CSMD1: variants seen among roughly 807,000 people sequenced by gnomAD.
The protein encoded by CSMD1 is CUB and sushi domain-containing protein 1.
A neutral mutation model predicts 417.5 loss-of-function variants in CSMD1; 213 were observed. The ratio of observed to expected loss-of-function variants is 0.51; its 90% CI spans 0.46 to 0.57. CSMD1 has a LOEUF of 0.57. Among genes scored for constraint, CSMD1 ranks in the 20% least tolerant of loss-of-function variants. The pLI is 0.00. For missense variants in CSMD1, 6,923 were observed against 4,529.7 expected (o/e 1.53, Z -15.17); for synonymous variants, 2,862 against 1,736.8 (o/e 1.65, Z -16.11).
At chr8:3,734,224 T>C (rs1796411486) in intron 6 of CSMD1, among the ~76,000 whole-genome samples, 3 of 152,216 alleles carry the variant, frequency 2.0e-5, no homozygotes, top group African/African-American at 4.8e-5. Flanking sequence ...ACGATGAGAA[T>C]GGGAGCCTTC....
chr8:4,602,706 G>A (rs1585315687), intron 2 of CSMD1, among the ~76,000 whole-genome samples: 1 of 152,132 alleles, frequency 6.6e-6, no homozygotes, highest in South Asian at 2.1e-4. Flanking sequence ...GATCTTCATT[G>A]TTGTTATCTA....
At chr8:3,626,754 T>A (rs576609655) in intron 7 of CSMD1, among the ~76,000 whole-genome samples, 39 of 150,736 alleles carry the variant, frequency 2.6e-4, no homozygotes, top group African/African-American at 8.0e-4. Flanking sequence ...TTATATATAT[T>A]ACCTATGTAT....
intron 5 of CSMD1, among the ~76,000 whole-genome samples, chr8:3,784,251 C>T (rs1799328538): frequency 1.3e-5 from 2 of 152,078 alleles, no homozygotes; most frequent in South Asian, 2.1e-4. Flanking sequence ...AAATAAATGT[C>T]CAACACAGGA....
At chr8:3,036,752 C>T (rs1810702888) in intron 50 of CSMD1, among the ~76,000 whole-genome samples, 1 of 152,108 alleles carries the variant, frequency 6.6e-6, no homozygotes, top group Non-Finnish European at 1.5e-5. Flanking sequence ...CGAATTTCAA[C>T]AATCCTCTCT....
At chr8:3,656,263 G>C (rs2117417537) in intron 7 of CSMD1, among the ~76,000 whole-genome samples, 1 of 152,256 alleles carries the variant, frequency 6.6e-6, no homozygotes, top group African/African-American at 2.4e-5. Context: ...AAAGGAGAAA[G>C]TCAAACGTGA....
At chr8:3,623,486 G>A (rs1176066783) in intron 7 of CSMD1, among the ~76,000 whole-genome samples, 3 of 152,182 alleles carry the variant, frequency 2.0e-5, no homozygotes, top group East Asian at 3.8e-4. Flanking sequence ...AGATCTATAT[G>A]AGTGAATAAT....
At chr8:3,394,634 G>C (rs1245459718) in intron 17 of CSMD1, among the ~76,000 whole-genome samples, 1 of 136 alleles carries the variant, frequency 7.4e-3, no homozygotes, top group South Asian at 0.5. Flanking sequence ...AAAAGTTGGG[G>C]GGAGGGGTGT....
intron 22 of CSMD1, among the ~76,000 whole-genome samples, chr8:3,345,042 T>C (rs944981469): frequency 6.6e-6 from 1 of 152,084 alleles, no homozygotes; most frequent in East Asian, 1.9e-4. Context: ...AAGGTGCAGG[T>C]CTCCCTAGGA....
At chr8:4,009,137 G>A (rs1816359339) in intron 4 of CSMD1, among the ~76,000 whole-genome samples, 1 of 152,136 alleles carries the variant, frequency 6.6e-6, no homozygotes, top group Non-Finnish European at 1.5e-5. Flanking sequence ...AATCCAAGAA[G>A]AACATAAGGC....
intron 3 of CSMD1, among the ~76,000 whole-genome samples, chr8:4,355,919 G>GTTT (rs35240159): frequency 1.3e-5 from 2 of 151,934 alleles, no homozygotes; most frequent in Non-Finnish European, 2.9e-5. Flanking sequence ...TGAATCAGCT[G>GTTT]TTTTTTTGTT....
intron 30 of CSMD1, among the ~76,000 whole-genome samples, chr8:3,209,763 T>A (rs938027750): frequency 6.6e-6 from 1 of 152,218 alleles, no homozygotes; most frequent in Admixed American, 6.5e-5. Flanking sequence ...AATTAACATA[T>A]TAAACAGATT....
intron 2 of CSMD1, among the ~76,000 whole-genome samples, chr8:4,454,441 G>C (rs551429275): frequency 3.3e-5 from 5 of 152,112 alleles, no homozygotes; most frequent in Admixed American, 6.6e-5. Flanking sequence ...CCCTAGTCTG[G>C]CTACACCGCC....
chr8:4,630,278 ACACAC>A (rs1802433235), intron 2 of CSMD1, among the ~76,000 whole-genome samples: 1 of 49,628 alleles, frequency 2.0e-5, no homozygotes. Flanking sequence ...ACACACACAC[ACACAC>A]ACACACACAC....
chr8:2,945,723 C>T (rs878916815), intron 68 of CSMD1, among the ~76,000 whole-genome samples: 2 of 152,258 alleles, frequency 1.3e-5, no homozygotes, highest in African/African-American at 4.8e-5. Context: ...TTGTTTTCCC[C>T]TGTCCCTCCT....
At chr8:4,166,758 TA>T (rs1175571470) in intron 3 of CSMD1, among the ~76,000 whole-genome samples, 1 of 152,086 alleles carries the variant, frequency 6.6e-6, no homozygotes, top group Non-Finnish European at 1.5e-5. Flanking sequence ...TATTGAAGCA[TA>T]AAAAAAGCAA....
At chr8:4,039,939 G>A (rs889422968) in intron 3 of CSMD1, among the ~76,000 whole-genome samples, 12 of 152,128 alleles carry the variant, frequency 7.9e-5, no homozygotes, top group African/African-American at 2.9e-4. Context: ...TTACTCTTGG[G>A]TTTATTATAG....
chr8:3,693,175 T>C (rs956552587), intron 7 of CSMD1, among the ~76,000 whole-genome samples: 1 of 152,116 alleles, frequency 6.6e-6, no homozygotes, highest in South Asian at 2.1e-4. Flanking sequence ...GTGAGTAAAA[T>C]TGGTCAGGAG....
At chr8:3,078,238 T>C (rs76606994) in intron 49 of CSMD1, among the ~76,000 whole-genome samples, 88 of 152,334 alleles carry the variant, frequency 5.8e-4, no homozygotes, top group African/African-American at 2.0e-3. Context: ...ACTACTACTA[T>C]TATACAAAAT....
rs1465003077 is a variant in CSMD1 at position 2,950,302 on chromosome 8, A to G, written c.10243T>C (p.Phe3415Leu). Residue 3415 changes from phenylalanine (F) to leucine (L), a missense_variant, in exon 67 of 70, where the codon TTT becomes CTT. Coordinates refer to ENST00000635120, the MANE Select transcript of CSMD1 (RefSeq NM_033225.6). ...KEEAHLLLKA[F>L]QIKGQADIFV... is the part of the protein sequence containing the mutation. ...ATATCTGCCTGGCCTTTAATTTGAA[A>G]AGCTTTCAGGAGTAAGTGGGCCTCC... 2.5e-6 allele frequency: 4 copies of G among 1,613,486 alleles called. No homozygotes were observed. The highest frequency in any genetic ancestry group is 2.5e-6 in the Non-Finnish European group (3 of 1,179,474).
Sources: allele counts gnomAD v4.1 joint callset (sites outside exome capture counted in the v4.1 genomes callset), GRCh38; gene constraint gnomAD v4.1.1; transcripts MANE v1.5; gene names NCBI Gene and HGNC (gene_info 2026-07-23, HGNC 2026-07-21).